The following ALPL variants were observed in gnomAD, a reference collection of about 807,000 sequenced individuals.
ALPL encodes alkaline phosphatase, tissue-nonspecific isozyme.
ALPL carries 42 observed loss-of-function variants against 51.3 expected under a neutral mutation model. That is an observed-to-expected ratio of 0.82 (90% CI 0.64 to 1.06). The LOEUF (loss-of-function observed/expected upper bound fraction) is 1.06. Ranked by LOEUF, ALPL falls within the 50% of genes least tolerant of loss-of-function variation. The probability of loss-of-function intolerance (pLI) is 0.00; values close to 1 mark genes in which losing one functional copy is unlikely to be tolerated. For missense variants in ALPL, 589 were observed against 709.4 expected, an observed-to-expected ratio of 0.83 and a Z score of 1.93; for synonymous variants, 279 against 296.4, an observed-to-expected ratio of 0.94 and a Z score of 0.60.
At chr1:21,531,225 C>T (rs1392332658) in intron 1 of ALPL, among the ~76,000 whole-genome samples, 2 of 151,960 alleles carry the variant, frequency 1.3e-5, no homozygotes, top group African/African-American at 4.8e-5. Context: ...TCCCAAAGTG[C>T]GGGATTACAG....
rs372656246 is a variant in ALPL, at chr1:21,564,256, C to G, written c.648+40C>G. On this transcript the variant is annotated intron_variant, in intron 6 of 11. Transcript: ENST00000374840. The surrounding 1 kb of genome is among the most constrained non-coding windows in gnomAD (Gnocchi z 5.8). ...GCAGCCGGGCAGGGACGGGGTGAGGCGGGGCCTCTGGTGGGCAGGAGGCCT... is the reference window on the plus strand; with the variant it reads ...GCAGCCGGGCAGGGACGGGGTGAGGGGGGGCCTCTGGTGGGCAGGAGGCCT... The G allele has an allele frequency of 6.2e-7, 1 of 1,608,796 alleles. No homozygotes were observed. The highest frequency in any genetic ancestry group is 1.1e-5 in the South Asian group (1 of 90,970).
intron 6 of ALPL, among the ~76,000 whole-genome samples, chr1:21,566,874 G>A (rs562923640): frequency 5.3e-4 from 80 of 152,358 alleles, no homozygotes; most frequent in African/African-American, 1.7e-3. Context: ...TGGGATTACA[G>A]GCATGAGCCA....
chr1:21,574,093 G>C, intron 9 of ALPL: 1 of 985,448 alleles, frequency 1.0e-6, no homozygotes, highest in Middle Eastern at 5.2e-4. Context: ...GGCCCTGAAG[G>C]GGCAAGCAGC....
intron 10 of ALPL, 124 bp from the exon 11 acceptor site, chr1:21,576,398 G>C: frequency 7.6e-7 from 1 of 1,308,200 alleles, no homozygotes; most frequent in Non-Finnish European, 1.1e-6. Flanking sequence ...CTTCTTGGAG[G>C]CATTGCAGGG....
At chr1:21,536,971 A>G (rs1245211664) in intron 1 of ALPL, among the ~76,000 whole-genome samples, 1 of 134,878 alleles carries the variant, frequency 7.4e-6, no homozygotes, top group Non-Finnish European at 1.5e-5. Context: ...ATCTTGGCTC[A>G]CTACAACCTC....
intron 1 of ALPL, among the ~76,000 whole-genome samples, chr1:21,534,637 T>C (rs559161395): frequency 6.6e-5 from 10 of 152,172 alleles, no homozygotes; most frequent in Non-Finnish European, 1.5e-4. Flanking sequence ...CCTGGTGTAC[T>C]CTTGAGGGTC....
Position 21,577,446 on chromosome 1 carries a change from A to G in ALPL, c.1373A>G (p.Asp458Gly), listed in dbSNP as rs1428657470. The G allele has an allele frequency of 1.9e-6, 3 of 1,611,930 alleles. No homozygotes were observed. The highest frequency in any genetic ancestry group is 1.3e-5 in the African/African-American group (1 of 74,914). Residue 458 changes from aspartate (D) to glycine (G), a missense_variant, in exon 12 of 12, where the codon GAC becomes GGC. Coordinates refer to ENST00000374840, the MANE Select transcript of ALPL (RefSeq NM_000478.6). ...PLRHETHGGE[D>G]VAVFSKGPMA... Reference sequence around the variant, plus strand: ...CGCCACGAGACCCACGGCGGGGAGGACGTGGCCGTCTTCTCCAAGGGCCCC... The same window carrying G: ...CGCCACGAGACCCACGGCGGGGAGGGCGTGGCCGTCTTCTCCAAGGGCCCC...
At chr1:21,543,031 G>A (rs1424111762) in intron 1 of ALPL, among the ~76,000 whole-genome samples, 1 of 152,150 alleles carries the variant, frequency 6.6e-6, no homozygotes, top group Non-Finnish European at 1.5e-5. Flanking sequence ...ATGTGTGCCT[G>A]TAGTCCCAGC....
chr1:21,520,133 T>C (rs151331744), intron 1 of ALPL, among the ~76,000 whole-genome samples: 3 of 152,048 alleles, frequency 2.0e-5, no homozygotes, highest in Non-Finnish European at 4.4e-5. Flanking sequence ...TGTTGTTGTT[T>C]GTTTGTTTTT....
intron 1 of ALPL, among the ~76,000 whole-genome samples, chr1:21,510,957 C>A (rs927247788): frequency 6.6e-6 from 1 of 152,218 alleles, no homozygotes; most frequent in African/African-American, 2.4e-5. Context: ...GAAGACTAGG[C>A]TGAGTGATGA....
chr1:21,513,536 A>G (rs974223491), intron 1 of ALPL, among the ~76,000 whole-genome samples: 2 of 152,142 alleles, frequency 1.3e-5, no homozygotes, highest in Admixed American at 6.5e-5. Context: ...CTGTAAACCA[A>G]TATATCTGAG....
In ALPL at chr1:21,574,495, G is replaced by A. The variant is rs922738555; in HGVS notation, c.997+696G>A. On this transcript the variant is annotated intron_variant, in intron 9 of 11. Transcript: ENST00000374840. The stretch of plus-strand genomic sequence containing the variant: ...CCAGTGCTAACAGCCCTTGCCCACC[G>A]CAGTTCCTCATGTTGCCCTGCTAAC... 8 of 154,082 alleles carry A rather than the reference G, an allele frequency of 5.2e-5. No individual in the cohort carries two copies. In the South Asian group the frequency reaches 6.1e-4, roughly 12 times the overall value. The allele number at this position is 154,082 out of a possible 1,614,324, so 9.5% of individuals were successfully genotyped here.
chr1:21,515,910 G>A (rs1362951708), intron 1 of ALPL, among the ~76,000 whole-genome samples: 1 of 151,996 alleles, frequency 6.6e-6, no homozygotes, highest in Non-Finnish European at 1.5e-5. Flanking sequence ...TAGTGGCTCT[G>A]TTGCCCAGGC....
intron 1 of ALPL, among the ~76,000 whole-genome samples, chr1:21,522,476 G>A (rs1016318280): frequency 1.3e-5 from 2 of 152,112 alleles, no homozygotes; most frequent in South Asian, 4.1e-4. Flanking sequence ...TTATGTTCAT[G>A]TCTCCTAGGT....
intron 2 of ALPL, among the ~76,000 whole-genome samples, chr1:21,554,712 G>A (rs887202326): frequency 2.1e-4 from 32 of 151,018 alleles, no homozygotes; most frequent in Admixed American, 6.6e-4. Flanking sequence ...GGATGGTCTC[G>A]ATCTCCTGAC....
chr1:21,548,293 A>C (rs1484907632), intron 1 of ALPL, among the ~76,000 whole-genome samples: 1 of 152,240 alleles, frequency 6.6e-6, no homozygotes, highest in Non-Finnish European at 1.5e-5. Context: ...TGGGGCCAGC[A>C]GGGAGGCTCT....
intron 2 of ALPL, among the ~76,000 whole-genome samples, 172 bp from the exon 3 acceptor site, chr1:21,560,454 C>T (rs1292186455): frequency 1.3e-5 from 2 of 152,106 alleles, no homozygotes; most frequent in African/African-American, 4.8e-5. Context: ...TCTGGAGGAT[C>T]TGGATGGCAC....
intron 1 of ALPL, among the ~76,000 whole-genome samples, chr1:21,521,919 A>G (rs935389893): frequency 6.6e-6 from 1 of 152,092 alleles, no homozygotes; most frequent in South Asian, 2.1e-4. Context: ...CACTTAATAC[A>G]TATTTGTTGA....
At chr1:21,519,551 C>A (rs1003157966) in intron 1 of ALPL, among the ~76,000 whole-genome samples, 1 of 152,244 alleles carries the variant, frequency 6.6e-6, no homozygotes, top group Non-Finnish European at 1.5e-5. Context: ...AATCCCAGCA[C>A]TTTGGGAGGC....
Sources: gnomAD v4.1 joint callset for allele counts (sites outside exome capture counted in the v4.1 genomes callset) on GRCh38, gnomAD v4.1.1 for gene constraint, Gnocchi (gnomAD v3.1) non-coding constraint, MANE v1.5 for transcripts, NCBI Gene and HGNC (gene_info 2026-07-23, HGNC 2026-07-21) for gene names.